The following NUSAP1 variants were observed in gnomAD, a reference collection of about 807,000 sequenced individuals.
The protein encoded by NUSAP1 is nucleolar and spindle associated protein 1.
A neutral mutation model predicts 52.8 loss-of-function variants in NUSAP1; 32 were observed. The ratio of observed to expected loss-of-function variants is 0.61; its 90% confidence interval spans 0.46 to 0.81. The LOEUF is 0.81. Among genes scored for constraint, NUSAP1 ranks in the 40% least tolerant of loss-of-function variants. NUSAP1 has a pLI of 0.00. For synonymous variants in NUSAP1, 195 were observed against 183.1 expected (o/e 1.06, Z -0.52); for missense variants, 499 against 522.3 (o/e 0.96, Z 0.43).
At chr15:41,350,083 ATTTTC>A (rs2048725050) in intron 3 of NUSAP1, among the ~76,000 whole-genome samples, 4 of 151,982 alleles carry the variant, frequency 2.6e-5, no homozygotes, top group African/African-American at 9.7e-5. Context: ...CACAGTCTTA[ATTTTC>A]TTTTCTATGT....
intron 5 of NUSAP1, among the ~76,000 whole-genome samples, chr15:41,357,722 G>A (rs1169058357): frequency 1.6e-5 from 2 of 127,504 alleles, no homozygotes; most frequent in East Asian, 2.0e-4. Context: ...GAGATTACAG[G>A]TGTTGAGCCA....
At position 41,365,501 on chromosome 15, in the gene NUSAP1, C is replaced by G; in HGVS notation, c.760C>G (p.Arg254Gly). The change falls in exon 7 of 11, where the codon CGG (arginine) becomes GGG (glycine). Residue 254 changes from arginine (R) to glycine (G), a missense_variant. Coordinates refer to ENST00000559596, the MANE Select transcript of NUSAP1 (RefSeq NM_016359.5). The stretch of plus-strand genomic sequence containing the variant: ...CATCAGCCAACGACGCTCGCAAGGC[C>G]GGTCTTGTGGCCCTGCAAGTCAGAG... Reference protein sequence around the residue: ...TPISQRRSQGRSCGPASQSTL... With the variant: ...TPISQRRSQGGSCGPASQSTL... 1 of 1,612,624 alleles carries G rather than the reference C, an allele frequency of 6.2e-7. No homozygotes were observed. Among genetic ancestry groups the G allele is most frequent in the South Asian group, 1.1e-5 (1 of 90,730 alleles).
intron 4 of NUSAP1, among the ~76,000 whole-genome samples, chr15:41,355,379 G>T (rs2048927224): frequency 1.3e-5 from 2 of 149,894 alleles, no homozygotes; most frequent in Non-Finnish European, 3.0e-5. Context: ...CACCATGTTG[G>T]CCAGGATGGT....
chr15:41,377,713 TG>T lies in NUSAP1; in HGVS notation c.1232+411del, dbSNP rs898567485. ...GGCGCCGTCTCAAAAAAAAAAAAAGTGGTATCATGGGCCAGGCACGGTGGCT... is the reference window on the plus strand; with the variant it reads ...GGCGCCGTCTCAAAAAAAAAAAAAGTGTATCATGGGCCAGGCACGGTGGCT... On this transcript the variant is annotated intron_variant, in intron 10 of 10. Coordinates refer to ENST00000559596, the MANE Select transcript of NUSAP1 (RefSeq NM_016359.5). 4.5e-3 allele frequency among the ~76,000 whole-genome samples: 478 copies of T among 106,466 alleles called. 2 individuals are homozygous for T. The highest frequency in any genetic ancestry group is 0.017 in the African/African-American group (452 of 26,996). 69.8% of individuals were successfully genotyped at this position (106,466 alleles called of 152,430 possible). A position where few individuals can be genotyped will look rare whatever the true frequency, so the allele number is the denominator to read the frequency against.
At chr15:41,375,611 T>C (rs1291581744) in intron 8 of NUSAP1, 101 bp from the exon 9 acceptor site, 3 of 800,042 alleles carry the variant, frequency 3.7e-6, no homozygotes, top group African/African-American at 3.4e-5. Context: ...ATGCCCAGCC[T>C]ATAACGTGTA....
chr15:41,353,818 A>G (rs1055034270), intron 4 of NUSAP1, among the ~76,000 whole-genome samples: 6 of 151,958 alleles, frequency 3.9e-5, no homozygotes, highest in African/African-American at 1.5e-4. Context: ...CCTATTCTCA[A>G]CGTCCTCCAC....
chr15:41,376,455 A>G (rs1054620261), intron 9 of NUSAP1, among the ~76,000 whole-genome samples: 2 of 151,966 alleles, frequency 1.3e-5, no homozygotes, highest in Admixed American at 1.3e-4. Context: ...TGGGAGGCCA[A>G]GGCAGGCGGA....
chr15:41,337,266 G>A (rs190979621), intron 1 of NUSAP1, among the ~76,000 whole-genome samples: 7 of 152,146 alleles, frequency 4.6e-5, no homozygotes, highest in Admixed American at 2.6e-4. Flanking sequence ...CGATCCTCGC[G>A]CCTTGGCCTC....
At chr15:41,361,851 A>G (rs938734341) in intron 6 of NUSAP1, among the ~76,000 whole-genome samples, 4 of 152,238 alleles carry the variant, frequency 2.6e-5, no homozygotes, top group African/African-American at 9.6e-5. Flanking sequence ...AGACTAGAGA[A>G]TTAAAAAAAA....
In NUSAP1 at chr15:41,371,578, T is replaced by A; in HGVS notation, c.900T>A (p.Thr300=). The A allele has an allele frequency of 1.9e-6, 3 of 1,611,252 alleles. No individual in the cohort carries two copies. The highest frequency in any genetic ancestry group is 2.5e-6 in the Non-Finnish European group (3 of 1,179,250). The change falls in exon 8 of 11, where the codon ACT becomes ACA. Residue 300 remains threonine (T), a synonymous_variant. Coordinates refer to ENST00000559596, the MANE Select transcript of NUSAP1 (RefSeq NM_016359.5). ...AGCATAAGCGTTCACTGACCAAGAC[T>A]CCAGCCAGAAAGTCTGCACATGTGA... is the stretch of plus-strand genomic sequence containing the variant. ...DNEHKRSLTK[T]PARKSAHVTV...
chr15:41,369,521 A>T (rs2049571354), intron 7 of NUSAP1, among the ~76,000 whole-genome samples: 1 of 151,938 alleles, frequency 6.6e-6, no homozygotes, highest in Admixed American at 6.6e-5. Flanking sequence ...GGTGGTGTGC[A>T]CCTGTAATCC....
chr15:41,375,581 G>A, intron 8 of NUSAP1, 131 bp from the exon 9 acceptor site: 1 of 629,242 alleles, frequency 1.6e-6, no homozygotes, highest in Admixed American at 2.5e-5. Flanking sequence ...AAAGTGCTGG[G>A]ATTACAGGTG....
chr15:41,333,394 G>A (rs184242850), intron 1 of NUSAP1, among the ~76,000 whole-genome samples: 29 of 152,192 alleles, frequency 1.9e-4, no homozygotes, highest in Admixed American at 1.1e-3. Context: ...AAGGGGTGTC[G>A]TTAATCGTTA....
intron 5 of NUSAP1, among the ~76,000 whole-genome samples, chr15:41,357,547 G>A (rs530960842): frequency 5.3e-5 from 8 of 151,708 alleles, no homozygotes; most frequent in South Asian, 2.1e-4. Context: ...GGGTTCAAGC[G>A]ATTCTCCTGC....
At chr15:41,343,459 A>G (rs2048436607) in intron 2 of NUSAP1, 1 of 152,266 alleles carries the variant, frequency 6.6e-6, no homozygotes, top group Non-Finnish European at 1.5e-5. Flanking sequence ...GGGTCAAGCA[A>G]TTCTCCTGCC....
intron 2 of NUSAP1, among the ~76,000 whole-genome samples, 168 bp from the exon 3 acceptor site, chr15:41,348,930 G>A (rs1317950005): frequency 6.6e-6 from 1 of 152,206 alleles, no homozygotes; most frequent in East Asian, 1.9e-4. Flanking sequence ...ACTGTGCCTG[G>A]CCTAAATACT....
At chr15:41,357,228 TGTGGCGGCAG>T (rs1474854211) in intron 5 of NUSAP1, among the ~76,000 whole-genome samples, 3 of 151,586 alleles carry the variant, frequency 2.0e-5, no homozygotes, top group Admixed American at 1.3e-4. Context: ...ATTAGCCAGG[TGTGGCGGCAG>T]GTGCCTTTAA....
chr15:41,371,987 C>T (rs925567663), intron 8 of NUSAP1, among the ~76,000 whole-genome samples: 1 of 152,080 alleles, frequency 6.6e-6, no homozygotes. Flanking sequence ...AGGCTGGTCT[C>T]AAACTCCTGA....
At chr15:41,337,765 G>A (rs902683599) in intron 1 of NUSAP1, among the ~76,000 whole-genome samples, 2 of 151,996 alleles carry the variant, frequency 1.3e-5, no homozygotes, top group Non-Finnish European at 1.5e-5. Context: ...ATTTCACGCT[G>A]TCCTGCCTTA....
Sources: allele counts gnomAD v4.1 joint callset (sites outside exome capture counted in the v4.1 genomes callset), GRCh38; gene constraint gnomAD v4.1.1; transcripts MANE v1.5; gene names NCBI Gene and HGNC (gene_info 2026-07-23, HGNC 2026-07-21).